ASXL2: variants seen among roughly 807,000 people sequenced by gnomAD.
ASXL2 encodes the protein putative Polycomb group protein ASXL2.
A neutral mutation model predicts 122.0 loss-of-function variants in ASXL2; 23 were observed. That is an observed-to-expected ratio of 0.19 (90% CI 0.14 to 0.27). The LOEUF (loss-of-function observed/expected upper bound fraction) is 0.27. Ranked by LOEUF, ASXL2 falls within the 10% of genes least tolerant of loss-of-function variation. The pLI is 1.00. For missense variants in ASXL2, 1,518 were observed against 1,713.8 expected, an observed-to-expected ratio of 0.89 and a Z score of 2.02; for synonymous variants, 650 against 637.0, an observed-to-expected ratio of 1.02 and a Z score of -0.31.
chr2:25,853,685 C>T (rs779475699), intron 1 of ASXL2, among the ~76,000 whole-genome samples: 9 of 152,152 alleles, frequency 5.9e-5, no homozygotes, highest in South Asian at 2.1e-4. Flanking sequence ...AGGTGGCATG[C>T]AGTTTTATAG....
chr2:25,819,931 A>G (rs2089288976), intron 3 of ASXL2, among the ~76,000 whole-genome samples: 1 of 152,096 alleles, frequency 6.6e-6, no homozygotes, highest in Non-Finnish European at 1.5e-5. Flanking sequence ...TTATTTTTAG[A>G]CAGGATCTTG....
chr2:25,859,026 C>A (rs1297023665), intron 1 of ASXL2, among the ~76,000 whole-genome samples: 1 of 151,510 alleles, frequency 6.6e-6, no homozygotes, highest in East Asian at 2.0e-4. Context: ...GTTGGCCAGG[C>A]TGGTCTCAAA....
At chr2:25,859,743 A>T (rs1335138911) in intron 1 of ASXL2, among the ~76,000 whole-genome samples, 1 of 152,210 alleles carries the variant, frequency 6.6e-6, no homozygotes, top group Non-Finnish European at 1.5e-5. Flanking sequence ...TTAACAAATT[A>T]AAAGAAACAA....
chr2:25,739,369 G>T lies in ASXL2; in HGVS notation c.*2660C>A, dbSNP rs961850416. On this transcript the variant is annotated 3_prime_UTR_variant, in exon 13 of 13. Transcript: ENST00000435504. ...TTTCTAAAAGGCCAGATTGTAATGTGTTTTTTTTTTTTTTAATTTTTCTGT... is the reference window on the plus strand; with the variant it reads ...TTTCTAAAAGGCCAGATTGTAATGTTTTTTTTTTTTTTTTAATTTTTCTGT... The T allele has an allele frequency of 1.6e-4, 25 of 158,776 alleles. 1 individual carries two copies. The highest frequency in any genetic ancestry group is 2.1e-4 in the Admixed American group (3 of 14,530). 9.8% of individuals were successfully genotyped at this position (158,776 alleles called of 1,614,324 possible).
intron 4 of ASXL2, among the ~76,000 whole-genome samples, chr2:25,803,762 C>A (rs1393361013): frequency 1.3e-5 from 2 of 152,194 alleles, no homozygotes; most frequent in East Asian, 1.9e-4. Context: ...TGCCACTGAT[C>A]CGACAGGAGG....
chr2:25,768,830 T>G lies in ASXL2; in HGVS notation c.543A>C (p.Gln181His). 1 of 1,613,812 alleles carries G rather than the reference T, an allele frequency of 6.2e-7. No individual in the cohort carries two copies. Among genetic ancestry groups the G allele is most frequent in the Non-Finnish European group, 8.5e-7 (1 of 1,179,736 alleles). Residue 181 changes from glutamine to histidine, a missense_variant, in exon 7 of 13, where the codon CAA becomes CAC. Transcript: ENST00000435504. ...KQQQQKKQQQ[Q>H]CRPSISISSN... The stretch of plus-strand genomic sequence containing the variant: ...AGGAGATGGATATGCTTGGCCTGCA[T>G]TGCTGCTGCTGCTTCTTCTGCTGTT...
chr2:25,767,645 A>T lies in ASXL2; in HGVS notation c.713T>A (p.Val238Glu). The T allele has an allele frequency of 1.9e-6, 3 of 1,613,930 alleles. No individual in the cohort carries two copies. The highest frequency in any genetic ancestry group is 2.5e-6 in the Non-Finnish European group (3 of 1,179,856). Residue 238 changes from valine to glutamate, a missense_variant, in exon 8 of 13, where the codon GTG becomes GAG. Around this residue, in one of 8 missense-constraint regions of ASXL2, gnomAD observed 198 missense variants for 209.0 expected, o/e 0.95. Transcript: ENST00000435504. ...SNSSFSSSVK[V>E]ENTLLGLGKK... is the part of the protein sequence containing the mutation. ...CCCCAAGCCTAGTAAAGTATTTTCC[A>T]CTTTAACTGAGGAAGAAAAGCTGGA...
rs2088128267 is a variant in ASXL2 at position 25,756,131 on chromosome 2, G to A, written c.940-17C>T. 1.3e-6 allele frequency: 2 copies of A among 1,510,210 alleles called. No individual in the cohort carries two copies. The highest frequency in any genetic ancestry group is 1.8e-6 in the Non-Finnish European group (2 of 1,122,790). The allele number at this position is 1,510,210 out of a possible 1,614,324, so 93.6% of individuals were successfully genotyped here. Reference sequence around the variant, plus strand: ...TGGACCAACCTGGGTCAAAGAATAAGCCAAGGAAAGCTTACAAAGAAAGTG... The same window carrying A: ...TGGACCAACCTGGGTCAAAGAATAAACCAAGGAAAGCTTACAAAGAAAGTG... On this transcript the variant is annotated splice_polypyrimidine_tract_variant and intron_variant, in intron 9 of 12. Transcript: ENST00000435504.
intron 5 of ASXL2, among the ~76,000 whole-genome samples, chr2:25,798,504 C>T (rs1242388502): frequency 6.6e-6 from 1 of 152,140 alleles, no homozygotes; most frequent in African/African-American, 2.4e-5. Context: ...TAGCTCACGC[C>T]TGTAATCCCA....
intron 4 of ASXL2, among the ~76,000 whole-genome samples, chr2:25,800,617 T>C (rs2088982072): frequency 6.6e-6 from 1 of 152,182 alleles, no homozygotes. Context: ...CAGCTTAGCA[T>C]GTGAGAGATA....
rs191569039 is a variant in ASXL2, at chr2:25,849,311, T to C, written c.58-3748A>G. On this transcript the variant is annotated intron_variant, in intron 1 of 12. Transcript: ENST00000435504. ...ACAAAAAGTTAGCTGGGGGTGGTGG[T>C]GGCTGGGCGCCTGTAATCCCAGTTA... Among the ~76,000 whole-genome samples, 804 of 150,514 alleles carry C rather than the reference T, an allele frequency of 5.3e-3. 3 individuals carry two copies. Among genetic ancestry groups the C allele is most frequent in the Non-Finnish European group, 8.3e-3 (564 of 67,686 alleles).
At chr2:25,849,452 CAAAA>C (rs34833277) in intron 1 of ASXL2, among the ~76,000 whole-genome samples, 5 of 70,652 alleles carry the variant, frequency 7.1e-5, no homozygotes, top group Non-Finnish European at 1.1e-4. Flanking sequence ...GACTCTGACT[CAAAA>C]AAAAAAAAAA....
intron 2 of ASXL2, among the ~76,000 whole-genome samples, chr2:25,843,829 A>AAAG (rs1553704935): frequency 1.5e-4 from 22 of 151,264 alleles, no homozygotes; most frequent in African/African-American, 5.3e-4. Flanking sequence ...AAAAAAAAAA[A>AAAG]AAAGAAAGAA....
At chr2:25,835,017 T>A (rs961928358) in intron 3 of ASXL2, among the ~76,000 whole-genome samples, 1 of 152,060 alleles carries the variant, frequency 6.6e-6, no homozygotes, top group Non-Finnish European at 1.5e-5. Flanking sequence ...AGAGATGCAG[T>A]TTCACCATAT....
chr2:25,810,407 T>C (rs1187304897), intron 3 of ASXL2: 6 of 677,768 alleles, frequency 8.9e-6, no homozygotes, highest in Non-Finnish European at 1.6e-5. Context: ...CTCTGATCAG[T>C]AGCTTTTTCC....
rs569946949 is a variant in ASXL2, at chr2:25,847,493, G to A, written c.58-1930C>T. Among the ~76,000 whole-genome samples, 73 of 152,130 alleles carry A rather than the reference G, an allele frequency of 4.8e-4. 1 individual carries two copies. The South Asian group carries it at 0.012, about 26-fold the overall frequency. ...TTCACCACTCACGTTTTGATGAAGC[G>A]GCAGTCTGTTAAAAAACTATTAAAA... On this transcript the variant is annotated intron_variant, in intron 1 of 12. Coordinates refer to ENST00000435504, the MANE Select transcript of ASXL2 (RefSeq NM_018263.6).
intron 8 of ASXL2, among the ~76,000 whole-genome samples, chr2:25,766,469 A>T (rs931012319): frequency 1.3e-5 from 2 of 152,206 alleles, no homozygotes; most frequent in Non-Finnish European, 2.9e-5. Context: ...ACCTCTTTTT[A>T]ACTTTGACAG....
chr2:25,742,941 G>A lies in ASXL2; in HGVS notation c.3396C>T (p.Gly1132=), dbSNP rs1351161173. Residue 1132 remains glycine, a synonymous_variant, in exon 13 of 13, where the codon GGC becomes GGT. Transcript: ENST00000435504. ...TCCTCCTAAAGCTCTCTGAGCCCCG[G>A]CCGTAGGTAGAAATATTCAGTAAGT... ...GHYLLNISTY[G]RGSESFRRTH... The A allele has an allele frequency of 3.1e-6, 5 of 1,613,954 alleles. No individual in the cohort carries two copies. The South Asian group carries it at 3.3e-5, about 11-fold the overall frequency.
rs1039803761 is a variant in ASXL2, at chr2:25,878,025, G to A, written c.57+141C>T. The A allele has an allele frequency of 6.7e-6, 7 of 1,051,928 alleles. No homozygotes were observed. In the African/African-American group the frequency reaches 7.8e-5, roughly 12 times the overall value. 65.2% of individuals were successfully genotyped at this position (1,051,928 alleles called of 1,614,324 possible). The stretch of plus-strand genomic sequence containing the variant: ...CCATTCCCACAGGGATCGCAACCCC[G>A]ACACTAACCGCCGCCCTCTCCGCGC... On this transcript the variant is annotated intron_variant, in intron 1 of 12. Coordinates refer to ENST00000435504, the MANE Select transcript of ASXL2 (RefSeq NM_018263.6).
Sources: allele counts gnomAD v4.1 joint callset (sites outside exome capture counted in the v4.1 genomes callset), GRCh38; gene constraint gnomAD v4.1.1; regional missense constraint gnomAD v4.1.1; transcripts MANE v1.5; gene names NCBI Gene and HGNC (gene_info 2026-07-23, HGNC 2026-07-21).